Variants in NKAIN2 observed in about 807,000 individuals in gnomAD.
NKAIN2 encodes sodium/potassium-transporting ATPase subunit beta-1-interacting protein 2.
NKAIN2 carries 14 observed loss-of-function variants against 32.6 expected under a neutral mutation model. The observed-to-expected ratio is 0.43, with a 90% CI of 0.28 to 0.67. NKAIN2 has a LOEUF of 0.67. NKAIN2 is among the 30% of genes least tolerant of loss of function. The pLI is 0.17. For synonymous variants in NKAIN2, 80 were observed against 87.2 expected, an observed-to-expected ratio of 0.92 and a Z score of 0.46; for missense variants, 198 against 258.3, an observed-to-expected ratio of 0.77 and a Z score of 1.60.
At chr6:124,049,135 C>G (rs1394275918) in intron 1 of NKAIN2, among the ~76,000 whole-genome samples, 1 of 151,950 alleles carries the variant, frequency 6.6e-6, no homozygotes, top group Non-Finnish European at 1.5e-5. Flanking sequence ...TTTATTTTCT[C>G]AAATGTGGAA....
At chr6:124,532,663 A>G (rs1779567671) in intron 3 of NKAIN2, among the ~76,000 whole-genome samples, 1 of 152,050 alleles carries the variant, frequency 6.6e-6, no homozygotes, top group Admixed American at 6.5e-5. Context: ...TTCCATGTAG[A>G]CTCCCAGATG....
At chr6:124,792,145 C>T (rs1052895496) in intron 5 of NKAIN2, among the ~76,000 whole-genome samples, 10 of 151,988 alleles carry the variant, frequency 6.6e-5, no homozygotes, top group Non-Finnish European at 2.9e-5. Context: ...TGAATAATTG[C>T]CTATATAGTT....
At chr6:124,039,775 A>C (rs919817472) in intron 1 of NKAIN2, among the ~76,000 whole-genome samples, 3 of 151,988 alleles carry the variant, frequency 2.0e-5, no homozygotes, top group Non-Finnish European at 4.4e-5. Flanking sequence ...AACTTCCTAC[A>C]AAAAGATAAT....
chr6:124,327,068 T>TC (rs891778799), intron 2 of NKAIN2, among the ~76,000 whole-genome samples: 1 of 152,092 alleles, frequency 6.6e-6, no homozygotes, highest in African/African-American at 2.4e-5. Context: ...GACTATTTTT[T>TC]TTTTTCATTT....
intron 3 of NKAIN2, among the ~76,000 whole-genome samples, chr6:124,568,827 A>G (rs1357223345): frequency 1.4e-5 from 2 of 144,608 alleles, no homozygotes; most frequent in African/African-American, 4.9e-5. Flanking sequence ...TGTGGCAAAA[A>G]AAAAAAAAAA....
At chr6:124,489,386 C>T (rs907545524) in intron 3 of NKAIN2, among the ~76,000 whole-genome samples, 10 of 151,916 alleles carry the variant, frequency 6.6e-5, no homozygotes, top group African/African-American at 1.7e-4. Context: ...TAATTCATCA[C>T]TGTTGCCTTC....
chr6:124,272,900 T>C (rs1158650404), intron 1 of NKAIN2, among the ~76,000 whole-genome samples: 1 of 152,224 alleles, frequency 6.6e-6, no homozygotes, highest in Non-Finnish European at 1.5e-5. Flanking sequence ...TGAACTTGCA[T>C]TGGGCCTGTG....
chr6:124,686,100 T>C (rs563421993), intron 4 of NKAIN2, among the ~76,000 whole-genome samples: 1 of 152,264 alleles, frequency 6.6e-6, no homozygotes, highest in East Asian at 1.9e-4. Flanking sequence ...TGGTTGGCTG[T>C]CAACCAGCAG....
intron 1 of NKAIN2, among the ~76,000 whole-genome samples, chr6:124,058,432 A>G (rs950790447): frequency 6.6e-6 from 1 of 152,204 alleles, no homozygotes; most frequent in South Asian, 2.1e-4. Flanking sequence ...TTAGCCATCT[A>G]TTAGTTCAGA....
intron 2 of NKAIN2, among the ~76,000 whole-genome samples, chr6:124,341,114 TC>T (rs1191175793): frequency 6.6e-6 from 1 of 152,164 alleles, no homozygotes; most frequent in Non-Finnish European, 1.5e-5. Flanking sequence ...CAAAATATTT[TC>T]AGGCATGATT....
At chr6:123,878,258 T>C (rs61327264) in intron 1 of NKAIN2, among the ~76,000 whole-genome samples, 37,893 of 152,032 alleles carry the variant, frequency 0.25, 5,249 homozygotes, top group East Asian at 0.49. Flanking sequence ...CCAGATTTTC[T>C]AGAAAAATAC....
At chr6:124,512,414 G>A (rs925778181) in intron 3 of NKAIN2, among the ~76,000 whole-genome samples, 3 of 151,992 alleles carry the variant, frequency 2.0e-5, no homozygotes, top group Non-Finnish European at 4.4e-5. Context: ...TGTAAAAGGA[G>A]GAAGGAAAAA....
chr6:124,814,452 G>A (rs1190919785), intron 5 of NKAIN2, among the ~76,000 whole-genome samples: 2 of 152,108 alleles, frequency 1.3e-5, no homozygotes, highest in Non-Finnish European at 2.9e-5. Flanking sequence ...TCTCATCTTG[G>A]TTCTGGGTCA....
At chr6:124,007,081 A>G (rs769617836) in intron 1 of NKAIN2, among the ~76,000 whole-genome samples, 2 of 152,188 alleles carry the variant, frequency 1.3e-5, no homozygotes, top group African/African-American at 4.8e-5. Context: ...CTACACACCT[A>G]GGCTATATGG....
chr6:123,903,905 A>G (rs1399806996), intron 1 of NKAIN2, among the ~76,000 whole-genome samples: 1 of 144,784 alleles, frequency 6.9e-6, no homozygotes, highest in Non-Finnish European at 1.5e-5. Context: ...CCAGTCTATT[A>G]TACGCATTTT....
chr6:124,751,701 A>G (rs935512021), intron 4 of NKAIN2, among the ~76,000 whole-genome samples: 2 of 151,890 alleles, frequency 1.3e-5, no homozygotes, highest in African/African-American at 4.8e-5. Flanking sequence ...GATTTAGGCC[A>G]GGCACCATGG....
intron 1 of NKAIN2, among the ~76,000 whole-genome samples, chr6:124,095,132 A>G (rs1306837732): frequency 6.6e-6 from 1 of 152,184 alleles, no homozygotes; most frequent in Non-Finnish European, 1.5e-5. Context: ...GCTGACCTAT[A>G]TGATGTTCAT....
At chr6:124,577,345 T>C (rs991794845) in intron 3 of NKAIN2, among the ~76,000 whole-genome samples, 1 of 151,670 alleles carries the variant, frequency 6.6e-6, no homozygotes, top group African/African-American at 2.4e-5. Context: ...CCACCCCTCC[T>C]GCACCCCCCA....
At chr6:124,351,702 A>T (rs749080833) in intron 2 of NKAIN2, among the ~76,000 whole-genome samples, 5 of 150,420 alleles carry the variant, frequency 3.3e-5, no homozygotes, top group Admixed American at 6.7e-5. Context: ...GCTCACTGCA[A>T]CCTCTGCCTC....
Sources: allele counts gnomAD v4.1 joint callset (sites outside exome capture counted in the v4.1 genomes callset), GRCh38; gene constraint gnomAD v4.1.1; transcripts MANE v1.5; gene names NCBI Gene and HGNC (gene_info 2026-07-23, HGNC 2026-07-21).